SLC22A3: variants seen among roughly 807,000 people sequenced by gnomAD.
SLC22A3 encodes EMT organic cation transporter 3.
In SLC22A3, 51 loss-of-function variants were observed where a neutral mutation model predicts 59.1. That is an observed-to-expected ratio of 0.86 (90% CI 0.69 to 1.09). The LOEUF (loss-of-function observed/expected upper bound fraction) is 1.09. Ranked by LOEUF, SLC22A3 falls within the 50% of genes least tolerant of loss-of-function variation. SLC22A3 has a pLI of 0.00. For missense variants in SLC22A3, 711 were observed against 726.3 expected (o/e 0.98, Z 0.24); for synonymous variants, 325 against 292.0 (o/e 1.11, Z -1.15).
intron 2 of SLC22A3, among the ~76,000 whole-genome samples, chr6:160,399,890 G>A (rs78439586): frequency 0.04 from 6,056 of 151,960 alleles, 163 homozygotes; most frequent in Non-Finnish European, 0.063. Flanking sequence ...GCATCACCCC[G>A]CACCCCCAAC....
At chr6:160,421,432 G>A (rs777876758) in intron 5 of SLC22A3, among the ~76,000 whole-genome samples, 3 of 152,198 alleles carry the variant, frequency 2.0e-5, no homozygotes, top group African/African-American at 4.8e-5. Context: ...TCAGTTATCC[G>A]TGATTAGTTA....
chr6:160,434,733 A>G (rs1207336536), intron 5 of SLC22A3, among the ~76,000 whole-genome samples: 2 of 152,190 alleles, frequency 1.3e-5, no homozygotes, highest in East Asian at 3.8e-4. Flanking sequence ...GTTAAGGTAG[A>G]CACAGAAAAA....
intron 1 of SLC22A3, among the ~76,000 whole-genome samples, chr6:160,361,698 G>C (rs561326563): frequency 6.6e-6 from 1 of 152,352 alleles, no homozygotes; most frequent in South Asian, 2.1e-4. Context: ...GGAGCTGCAG[G>C]ATAGGAGACT....
chr6:160,447,348 G>A (rs1701819899), intron 9 of SLC22A3, among the ~76,000 whole-genome samples: 1 of 152,088 alleles, frequency 6.6e-6, no homozygotes, highest in Non-Finnish European at 1.5e-5. Context: ...AGAGGGGCAG[G>A]TAAGTGAGAG....
chr6:160,348,636 C>T lies in SLC22A3; in HGVS notation c.217C>T (p.Arg73Cys). The change falls in exon 1 of 11, where the codon CGC becomes TGC. Residue 73 changes from arginine (R) to cysteine (C), a missense_variant. Arg to Cys is a radical substitution (Grantham distance 180). Coordinates refer to ENST00000275300, the MANE Select transcript of SLC22A3 (RefSeq NM_021977.4). ...CTGGAGCCCGGAGGAGGAGTGGAAC[C>T]GCACGGCGCCCGCCTCCCGCGGCCC... is the stretch of plus-strand genomic sequence containing the variant. ...CGWSPEEEWN[R>C]TAPASRGPEP... The T allele has an allele frequency of 6.6e-7, 1 of 1,504,216 alleles. No homozygotes were observed. Among genetic ancestry groups the T allele is most frequent in the East Asian group, 2.7e-5 (1 of 36,834 alleles). 93.2% of individuals were successfully genotyped at this position (1,504,216 alleles called of 1,614,324 possible).
intron 5 of SLC22A3, among the ~76,000 whole-genome samples, chr6:160,424,586 T>A (rs1338451183): frequency 6.6e-6 from 1 of 152,154 alleles, no homozygotes; most frequent in Non-Finnish European, 1.5e-5. Context: ...AAAATACACT[T>A]GAGTTCATTA....
chr6:160,357,591 C>T (rs1344193061), intron 1 of SLC22A3, among the ~76,000 whole-genome samples: 2 of 152,094 alleles, frequency 1.3e-5, no homozygotes, highest in Non-Finnish European at 1.5e-5. Flanking sequence ...ACAGCCTGCA[C>T]GTTTAATATT....
At chr6:160,360,589 GC>G (rs1377242957) in intron 1 of SLC22A3, among the ~76,000 whole-genome samples, 1 of 152,056 alleles carries the variant, frequency 6.6e-6, no homozygotes, top group East Asian at 1.9e-4. Context: ...TACTAGAAAA[GC>G]TTTAAAGTCC....
chr6:160,363,806 C>T (rs534130492), intron 1 of SLC22A3, among the ~76,000 whole-genome samples: 56 of 152,100 alleles, frequency 3.7e-4, no homozygotes, highest in African/African-American at 1.3e-3. Flanking sequence ...CCTTCAAGAC[C>T]GCCTTTGTCT....
intron 5 of SLC22A3, among the ~76,000 whole-genome samples, chr6:160,413,349 C>T (rs1787334894): frequency 6.6e-6 from 1 of 152,216 alleles, no homozygotes. Flanking sequence ...CTATGGGATC[C>T]AGTGGCTTCC....
chr6:160,366,413 C>T (rs960070023), intron 1 of SLC22A3, among the ~76,000 whole-genome samples: 2 of 152,220 alleles, frequency 1.3e-5, no homozygotes, highest in African/African-American at 4.8e-5. Flanking sequence ...CAGCCTTGGA[C>T]GGCTCTGCCC....
chr6:160,362,691 G>A (rs1403971429), intron 1 of SLC22A3, among the ~76,000 whole-genome samples: 2 of 152,228 alleles, frequency 1.3e-5, no homozygotes, highest in Non-Finnish European at 2.9e-5. Context: ...AGACGGTGCG[G>A]AGGGGGAGAG....
intron 1 of SLC22A3, among the ~76,000 whole-genome samples, chr6:160,350,565 A>G (rs778426121): frequency 6.6e-6 from 1 of 152,136 alleles, no homozygotes; most frequent in African/African-American, 2.4e-5. Context: ...TTACTTCCCA[A>G]GTGAACCAGA....
At chr6:160,369,795 G>C (rs1304587607) in intron 1 of SLC22A3, among the ~76,000 whole-genome samples, 2 of 152,148 alleles carry the variant, frequency 1.3e-5, no homozygotes, top group Non-Finnish European at 2.9e-5. Context: ...AAAACGTAGT[G>C]ATTTAAAACA....
At chr6:160,365,477 G>A (rs1785173704) in intron 1 of SLC22A3, among the ~76,000 whole-genome samples, 3 of 152,200 alleles carry the variant, frequency 2.0e-5, no homozygotes, top group African/African-American at 7.2e-5. Context: ...TGGGTCTGGG[G>A]TAGGGCCTGA....
At chr6:160,392,617 T>C in intron 1 of SLC22A3, among the ~76,000 whole-genome samples, 1 of 152,252 alleles carries the variant, frequency 6.6e-6, no homozygotes. Flanking sequence ...AAGTGTTAAC[T>C]TTTTGACATT....
chr6:160,369,702 T>A (rs367840006), intron 1 of SLC22A3, among the ~76,000 whole-genome samples: 2 of 152,288 alleles, frequency 1.3e-5, no homozygotes, highest in African/African-American at 4.8e-5. Flanking sequence ...TGTTGTATTT[T>A]ATTTAGATTT....
intron 2 of SLC22A3, among the ~76,000 whole-genome samples, chr6:160,400,550 A>G (rs1376823473): frequency 6.6e-6 from 1 of 151,990 alleles, no homozygotes; most frequent in Non-Finnish European, 1.5e-5. Flanking sequence ...CCCTCCCCCA[A>G]CACCTCACCA....
intron 1 of SLC22A3, among the ~76,000 whole-genome samples, chr6:160,375,116 G>C (rs1008812142): frequency 6.6e-6 from 1 of 152,270 alleles, no homozygotes; most frequent in African/African-American, 2.4e-5. Context: ...CAGAAATTTT[G>C]CAAGCCAGAT....
Sources: gnomAD v4.1 joint callset for allele counts (sites outside exome capture counted in the v4.1 genomes callset) on GRCh38, gnomAD v4.1.1 for gene constraint, MANE v1.5 for transcripts, NCBI Gene and HGNC (gene_info 2026-07-23, HGNC 2026-07-21) for gene names.